Variants in FAM240A observed in about 807,000 individuals in gnomAD.
The protein encoded by FAM240A is protein FAM240A.
Under a neutral mutation model 7.3 loss-of-function variants are expected in FAM240A, and 8 were observed. That is an observed-to-expected ratio of 1.09 (90% CI 0.64 to 1.97). FAM240A has a LOEUF of 1.97. Among genes scored for constraint, FAM240A ranks in the 30% most tolerant of loss-of-function variants. FAM240A has a pLI of 0.00. For missense variants in FAM240A, 90 were observed against 102.2 expected (o/e 0.88, Z 0.52); for synonymous variants, 32 against 35.9 (o/e 0.89, Z 0.38).
intron 2 of FAM240A, among the ~76,000 whole-genome samples, chr3:46,621,515 C>T (rs1697694773): frequency 6.6e-6 from 1 of 152,140 alleles, no homozygotes; most frequent in South Asian, 2.1e-4. Flanking sequence ...TGCCTGTAAT[C>T]CCAGCACCCT....
chr3:46,625,314 C>A lies in FAM240A; in HGVS notation c.*96C>A. On this transcript the variant is annotated 3_prime_UTR_variant, in exon 3 of 3. Coordinates refer to ENST00000640551, the MANE Select transcript of FAM240A (RefSeq NM_001195442.2). ...TCCTGAGTCCCTTTGCTATACCAATCAGCTCTCACACTATTGTTTCCCCAC... is the reference window on the plus strand; with the variant it reads ...TCCTGAGTCCCTTTGCTATACCAATAAGCTCTCACACTATTGTTTCCCCAC... 3 of 807,392 alleles carry A rather than the reference C, an allele frequency of 3.7e-6. No homozygotes were observed. The highest frequency in any genetic ancestry group is 2.0e-6 in the Non-Finnish European group (1 of 510,708). The allele number at this position is 807,392 out of a possible 1,614,324, so 50.0% of individuals were successfully genotyped here. A position where few individuals can be genotyped will look rare whatever the true frequency, so the allele number is the denominator to read the frequency against.
At chr3:46,621,643 C>A (rs982551669) in intron 2 of FAM240A, among the ~76,000 whole-genome samples, 2 of 151,970 alleles carry the variant, frequency 1.3e-5, no homozygotes, top group African/African-American at 4.8e-5. Flanking sequence ...GCCTGTAGTC[C>A]CAGCTACTGC....
intron 1 of FAM240A, among the ~76,000 whole-genome samples, chr3:46,616,690 TAC>T (rs3087116): frequency 0.15 from 21,277 of 143,410 alleles, 1,708 homozygotes; most frequent in South Asian, 0.28. Flanking sequence ...AGTATTCCAT[TAC>T]ACACACACAC....
At chr3:46,613,140 T>C (rs1167840385) in intron 1 of FAM240A, among the ~76,000 whole-genome samples, 9 of 152,318 alleles carry the variant, frequency 5.9e-5, no homozygotes, top group African/African-American at 2.2e-4. Context: ...AATTCACTCA[T>C]ATAAAATGTA....
intron 2 of FAM240A, among the ~76,000 whole-genome samples, chr3:46,619,112 C>T (rs1001204645): frequency 2.0e-5 from 3 of 152,038 alleles, no homozygotes; most frequent in African/African-American, 4.8e-5. Context: ...ATGTTAGTTC[C>T]CCTCCCTCTT....
At chr3:46,614,345 C>T (rs895019797) in intron 1 of FAM240A, among the ~76,000 whole-genome samples, 1 of 152,314 alleles carries the variant, frequency 6.6e-6, no homozygotes, top group Middle Eastern at 3.4e-3. Context: ...CAGTTCTGCT[C>T]ATAGTGAGGA....
intron 2 of FAM240A, among the ~76,000 whole-genome samples, chr3:46,620,756 C>T (rs1260292373): frequency 6.6e-6 from 1 of 152,114 alleles, no homozygotes; most frequent in Non-Finnish European, 1.5e-5. Flanking sequence ...AATGTGTGCG[C>T]TTTATTCGGG....
intron 2 of FAM240A, among the ~76,000 whole-genome samples, chr3:46,621,325 C>T (rs1697692843): frequency 7.0e-6 from 1 of 142,124 alleles, no homozygotes; most frequent in Non-Finnish European, 1.5e-5. Flanking sequence ...TATCAACAGA[C>T]TTTATAACTG....
chr3:46,619,188 C>T (rs1697669164), intron 2 of FAM240A, among the ~76,000 whole-genome samples: 1 of 151,990 alleles, frequency 6.6e-6, no homozygotes, highest in Non-Finnish European at 1.5e-5. Flanking sequence ...GAAGACATTC[C>T]TTAGAGGAGA....
At chr3:46,621,276 T>C (rs1559439362) in intron 2 of FAM240A, among the ~76,000 whole-genome samples, 1 of 152,218 alleles carries the variant, frequency 6.6e-6, no homozygotes, top group Non-Finnish European at 1.5e-5. Context: ...TATTTGGCAG[T>C]GACTTTATCC....
chr3:46,620,489 T>C (rs1697682162), intron 2 of FAM240A, among the ~76,000 whole-genome samples: 1 of 130,290 alleles, frequency 7.7e-6, no homozygotes, highest in South Asian at 2.5e-4. Flanking sequence ...ACCCGTACTG[T>C]AGTTTTGTCA....
intron 2 of FAM240A, among the ~76,000 whole-genome samples, chr3:46,618,649 C>T (rs1042368337): frequency 2.0e-5 from 3 of 151,766 alleles, no homozygotes; most frequent in Non-Finnish European, 4.4e-5. Flanking sequence ...GAGACCAGCC[C>T]GACCAACAAG....
chr3:46,625,007 C>A, intron 2 of FAM240A, 121 bp from the exon 3 acceptor site: 1 of 442,578 alleles, frequency 2.3e-6, no homozygotes, highest in Non-Finnish European at 4.0e-6. Flanking sequence ...CCTCTGCATG[C>A]CTTTTAAAAC....
chr3:46,614,931 G>C (rs938693067), intron 1 of FAM240A, among the ~76,000 whole-genome samples: 3 of 152,304 alleles, frequency 2.0e-5, no homozygotes, highest in Middle Eastern at 3.4e-3. Flanking sequence ...CCCTATGCCA[G>C]ACAACAGTCA....
chr3:46,625,465 C>A lies in FAM240A; in HGVS notation c.*247C>A, dbSNP rs974455514. On this transcript the variant is annotated 3_prime_UTR_variant, in exon 3 of 3. Coordinates refer to ENST00000640551, the MANE Select transcript of FAM240A (RefSeq NM_001195442.2). ...TCTCTAAAGATAGCTTATTTAATAT[C>A]GAAGCTCCATGCAGCATTCCTTGCT... The A allele has an allele frequency of 3.8e-6, 1 of 261,644 alleles. No individual in the cohort carries two copies. Among genetic ancestry groups the A allele is most frequent in the Non-Finnish European group, 7.2e-6 (1 of 138,020 alleles). The allele number at this position is 261,644 out of a possible 1,614,324, so 16.2% of individuals were successfully genotyped here.
At chr3:46,621,207 T>C (rs1338226665) in intron 2 of FAM240A, among the ~76,000 whole-genome samples, 1 of 152,216 alleles carries the variant, frequency 6.6e-6, no homozygotes, top group African/African-American at 2.4e-5. Context: ...GAGGCTACTT[T>C]ATTAGGTGCA....
chr3:46,616,278 G>A (rs1204047737), intron 1 of FAM240A, among the ~76,000 whole-genome samples: 1 of 152,222 alleles, frequency 6.6e-6, no homozygotes, highest in African/African-American at 2.4e-5. Context: ...GTCAACAGCA[G>A]GGTCAGGATG....
intron 1 of FAM240A, among the ~76,000 whole-genome samples, chr3:46,613,099 T>A (rs542599901): frequency 1.3e-5 from 2 of 152,370 alleles, no homozygotes; most frequent in South Asian, 4.1e-4. Context: ...TTTTTACCTA[T>A]GTTTACTGAG....
chr3:46,613,528 A>AAATAAAT (rs1559437398), intron 1 of FAM240A, among the ~76,000 whole-genome samples: 539 of 44,402 alleles, frequency 0.012, 2 homozygotes, highest in African/African-American at 0.029. Flanking sequence ...AATAAATAAA[A>AAATAAAT]AACAAGACAC....
Sources: gnomAD v4.1 joint callset for allele counts (sites outside exome capture counted in the v4.1 genomes callset) on GRCh38, gnomAD v4.1.1 for gene constraint, MANE v1.5 for transcripts, NCBI Gene and HGNC (gene_info 2026-07-23, HGNC 2026-07-21) for gene names.